Variants in PCDHGA7 observed in about 807,000 individuals in gnomAD.
PCDHGA7 encodes protocadherin gamma-A7.
In PCDHGA7, 44 loss-of-function variants were observed where a neutral mutation model predicts 58.3. That is an observed-to-expected ratio of 0.75 (90% CI 0.59 to 0.97). The LOEUF (loss-of-function observed/expected upper bound fraction) is 0.97. Among genes scored for constraint, PCDHGA7 ranks in the 50% least tolerant of loss-of-function variants. The pLI is 0.00. For missense variants in PCDHGA7, 1,266 were observed against 1,188.7 expected (o/e 1.06, Z -0.96); for synonymous variants, 516 against 504.2 (o/e 1.02, Z -0.31).
chr5:141,385,709 A>C, intron 1 of PCDHGA7: 1 of 259,262 alleles, frequency 3.9e-6, no homozygotes, highest in Non-Finnish European at 6.2e-6. Context: ...TAGCATTCAA[A>C]TATGTAAAAG....
chr5:141,389,177 C>T, intron 1 of PCDHGA7: 1 of 1,614,052 alleles, frequency 6.2e-7, no homozygotes. Context: ...CTCCCCTCTC[C>T]TCCAGTTCCA....
intron 3 of PCDHGA7, among the ~76,000 whole-genome samples, chr5:141,510,657 G>A (rs1388054630): frequency 6.6e-6 from 1 of 152,156 alleles, no homozygotes; most frequent in Non-Finnish European, 1.5e-5. Context: ...CCATTTTGCA[G>A]ATGAGAAAAC....
chr5:141,490,338 C>A lies in PCDHGA7; in HGVS notation c.2425-4469C>A, dbSNP rs1408559629. Reference sequence around the variant, plus strand: ...CTGTCCTAGAGAGCACACCAGTGGGCACAGTAGTGGGGTTGTTTAATGTGC... The same window carrying A: ...CTGTCCTAGAGAGCACACCAGTGGGAACAGTAGTGGGGTTGTTTAATGTGC... On this transcript the variant is annotated intron_variant, in intron 1 of 3. Coordinates refer to ENST00000518325, the MANE Select transcript of PCDHGA7 (RefSeq NM_018920.4). This position sits in a 1 kb window ranked among gnomAD's most constrained non-coding sequence, Gnocchi z 5.4. 6.2e-7 allele frequency: 1 copy of A among 1,614,184 alleles called. No homozygotes were observed. The highest frequency in any genetic ancestry group is 1.7e-5 in the Admixed American group (1 of 60,032).
chr5:141,410,685 A>G, intron 1 of PCDHGA7: 1 of 1,528,540 alleles, frequency 6.5e-7, no homozygotes, highest in Non-Finnish European at 8.7e-7. Flanking sequence ...TTTTAGGCAT[A>G]CTACTTTATT....
chr5:141,428,858 GACT>G (rs1348026268), intron 1 of PCDHGA7: 1 of 139,194 alleles, frequency 7.2e-6, no homozygotes, highest in African/African-American at 3.0e-5. Flanking sequence ...TTTTACGGGA[GACT>G]TTTTTTTTTT....
chr5:141,459,617 A>G (rs900986636), intron 1 of PCDHGA7, among the ~76,000 whole-genome samples: 2 of 152,258 alleles, frequency 1.3e-5, no homozygotes, highest in African/African-American at 2.4e-5. Flanking sequence ...GCTTAACTTT[A>G]TAAGAAGCTG....
chr5:141,437,307 G>A (rs1172152732), intron 1 of PCDHGA7, among the ~76,000 whole-genome samples: 7 of 152,120 alleles, frequency 4.6e-5, no homozygotes, highest in South Asian at 2.1e-4. Context: ...AAGTTAAAGC[G>A]TTCAGCTATA....
chr5:141,442,348 CTG>C (rs1318031659), intron 1 of PCDHGA7: 1 of 152,378 alleles, frequency 6.6e-6, no homozygotes, highest in Non-Finnish European at 1.5e-5. Context: ...TTCTGGGTAA[CTG>C]TAGCTCTATG....
rs148641580 is a variant in PCDHGA7 at position 141,437,874 on chromosome 5, A to C, written c.2424+52551A>C. 3.9e-4 allele frequency among the ~76,000 whole-genome samples: 59 copies of C among 151,954 alleles called. 1 individual carries two copies. In the East Asian group the frequency reaches 5.8e-3, roughly 15 times the overall value. Reference sequence around the variant, plus strand: ...TGCCTTAGCCTCCCGAGTAGCTGGGACTACAGGCACACGCCACCACACCCA... The same window carrying C: ...TGCCTTAGCCTCCCGAGTAGCTGGGCCTACAGGCACACGCCACCACACCCA... On this transcript the variant is annotated intron_variant, in intron 1 of 3. Transcript: ENST00000518325.
chr5:141,474,563 A>G lies in PCDHGA7; in HGVS notation c.2425-20244A>G, dbSNP rs143794984. 1.4e-3 allele frequency among the ~76,000 whole-genome samples: 210 copies of G among 152,332 alleles called. 2 individuals are homozygous for G. The highest frequency in any genetic ancestry group is 5.0e-3 in the African/African-American group (207 of 41,572). ...TGAGCATTTAAAACTGGGGGTTTTC[A>G]GAGATTAATTGAAGTGTTAAAGACA... On this transcript the variant is annotated intron_variant, in intron 1 of 3. Coordinates refer to ENST00000518325, the MANE Select transcript of PCDHGA7 (RefSeq NM_018920.4).
intron 1 of PCDHGA7, chr5:141,408,754 T>G: frequency 6.2e-7 from 1 of 1,610,602 alleles, no homozygotes; most frequent in Non-Finnish European, 8.5e-7. Flanking sequence ...TGGTTAGAGT[T>G]AATTCCGATG....
intron 1 of PCDHGA7, chr5:141,409,458 A>G (rs1435071611): frequency 4.3e-6 from 7 of 1,613,820 alleles, no homozygotes; most frequent in East Asian, 2.2e-5. Context: ...CCAGAATACA[A>G]TGTCACCATC....
intron 1 of PCDHGA7, chr5:141,419,411 C>A (rs757881409): frequency 1.9e-6 from 3 of 1,613,462 alleles, no homozygotes; most frequent in Non-Finnish European, 2.5e-6. Context: ...GTTCGCGCAG[C>A]GCGCCTTCGA....
intron 1 of PCDHGA7, chr5:141,423,261 C>T (rs1181343306): frequency 6.2e-7 from 1 of 1,613,870 alleles, no homozygotes; most frequent in Non-Finnish European, 8.5e-7. Flanking sequence ...ACCTCGGCAG[C>T]CTCGAGTCTC....
Position 141,382,869 on chromosome 5 carries a change from T to C in PCDHGA7, c.-31T>C, listed in dbSNP as rs887588063. On this transcript the variant is annotated 5_prime_UTR_variant, in exon 1 of 4. Coordinates refer to ENST00000518325, the MANE Select transcript of PCDHGA7 (RefSeq NM_018920.4). ...CCGCATTCTGAAGCACTTCCCGAGATCGGCGCCTAAGCAAGAGAAGCAGGA... is the reference window on the plus strand; with the variant it reads ...CCGCATTCTGAAGCACTTCCCGAGACCGGCGCCTAAGCAAGAGAAGCAGGA... The C allele has an allele frequency of 6.6e-7, 1 of 1,519,592 alleles. No individual in the cohort carries two copies. Among genetic ancestry groups the C allele is most frequent in the Non-Finnish European group, 8.8e-7 (1 of 1,135,238 alleles). 94.1% of individuals were successfully genotyped at this position (1,519,592 alleles called of 1,614,324 possible).
chr5:141,471,046 CTTTTT>C (rs1170588345), intron 1 of PCDHGA7, among the ~76,000 whole-genome samples: 2 of 113,276 alleles, frequency 1.8e-5, no homozygotes, highest in Non-Finnish European at 3.6e-5. Context: ...CCCAAGCCCT[CTTTTT>C]TTTTTTTTTT....
At position 141,431,851 on chromosome 5, in the gene PCDHGA7, A is replaced by G. The variant is rs2097423722; in HGVS notation, c.2424+46528A>G. 1 of 1,614,264 alleles carries G rather than the reference A, an allele frequency of 6.2e-7. No individual in the cohort carries two copies. The highest frequency in any genetic ancestry group is 1.1e-5 in the South Asian group (1 of 91,088). ...TTCCCGAAAACTCTCCCAGAGGGAC[A>G]TTAATTGCCCTTTTAAATGTAAATG... On this transcript the variant is annotated intron_variant, in intron 1 of 3. Coordinates refer to ENST00000518325, the MANE Select transcript of PCDHGA7 (RefSeq NM_018920.4). This position sits in a 1 kb window ranked among gnomAD's most constrained non-coding sequence, Gnocchi z 4.8.
At chr5:141,397,381 T>G (rs966351267) in intron 1 of PCDHGA7, among the ~76,000 whole-genome samples, 1 of 152,228 alleles carries the variant, frequency 6.6e-6, no homozygotes, top group Non-Finnish European at 1.5e-5. Flanking sequence ...GGGATTGGTA[T>G]AAAATTGCCA....
chr5:141,459,486 G>A (rs764885682), intron 1 of PCDHGA7, among the ~76,000 whole-genome samples: 8 of 152,154 alleles, frequency 5.3e-5, no homozygotes, highest in Admixed American at 3.9e-4. Context: ...GTGCTATTCT[G>A]AATTAAAGTG....
Sources: gnomAD v4.1 joint callset for allele counts (sites outside exome capture counted in the v4.1 genomes callset) on GRCh38, gnomAD v4.1.1 for gene constraint, Gnocchi (gnomAD v3.1) non-coding constraint, MANE v1.5 for transcripts, NCBI Gene and HGNC (gene_info 2026-07-23, HGNC 2026-07-21) for gene names.